Variants in TTLL5 observed in about 807,000 individuals in gnomAD.
The protein encoded by TTLL5 is tubulin tyrosine ligase like 5, also known as tubulin polyglutamylase TTLL5.
In TTLL5, 132 loss-of-function variants were observed where a neutral mutation model predicts 168.4. The ratio of observed to expected loss-of-function variants is 0.78; its 90% CI spans 0.68 to 0.91. TTLL5 has a LOEUF of 0.91. Ranked by LOEUF, TTLL5 falls within the 40% of genes least tolerant of loss-of-function variation. The probability of loss-of-function intolerance (pLI) is 0.00; values close to 1 mark genes in which losing one functional copy is unlikely to be tolerated. For synonymous variants in TTLL5, 546 were observed against 558.6 expected (o/e 0.98, Z 0.32); for missense variants, 1,545 against 1,581.5 (o/e 0.98, Z 0.39).
chr14:75,752,343 T>G (rs1890004284), intron 17 of TTLL5, among the ~76,000 whole-genome samples: 2 of 152,194 alleles, frequency 1.3e-5, no homozygotes, highest in South Asian at 4.1e-4. Context: ...GCAGGATCCG[T>G]GTTGGGCAAC....
chr14:75,815,488 A>G (rs977324044), intron 27 of TTLL5, among the ~76,000 whole-genome samples: 5 of 152,244 alleles, frequency 3.3e-5, no homozygotes, highest in African/African-American at 1.2e-4. Flanking sequence ...CCAATAATCC[A>G]AAAGTAATTT....
chr14:75,689,798 A>G (rs1885318629), intron 5 of TTLL5: 1 of 185,522 alleles, frequency 5.4e-6, no homozygotes, highest in African/African-American at 2.4e-5. Context: ...AAGGACAGAA[A>G]ACAAATGAAT....
chr14:75,760,653 A>G (rs147018572), intron 18 of TTLL5, among the ~76,000 whole-genome samples: 2 of 152,236 alleles, frequency 1.3e-5, no homozygotes, highest in Non-Finnish European at 2.9e-5. Flanking sequence ...CCACATTTAT[A>G]TGGTCAAAGT....
chr14:75,663,015 G>A (rs1890857526), intron 1 of TTLL5, 40 bp from the exon 2 acceptor site: 2 of 753,402 alleles, frequency 2.7e-6, no homozygotes, highest in East Asian at 2.7e-5. Flanking sequence ...ACTGCATTGT[G>A]TTTCAGGTCA....
chr14:75,752,437 G>A (rs1239039064), intron 17 of TTLL5, among the ~76,000 whole-genome samples: 1 of 152,208 alleles, frequency 6.6e-6, no homozygotes. Flanking sequence ...GCCTTAAGCA[G>A]TAGACATCGA....
intron 31 of TTLL5, among the ~76,000 whole-genome samples, chr14:75,908,339 A>T (rs935624656): frequency 1.3e-5 from 2 of 151,970 alleles, no homozygotes; most frequent in African/African-American, 2.4e-5. Context: ...TGAGCAGAAG[A>T]ATTAGGTTGT....
In TTLL5 at chr14:75,825,665, G is replaced by A. The variant is rs542354895; in HGVS notation, c.3326+5504G>A. Among the ~76,000 whole-genome samples, 3 of 152,118 alleles carry A rather than the reference G, an allele frequency of 2.0e-5. No individual in the cohort carries two copies. In the South Asian group the frequency reaches 6.2e-4, roughly 32 times the overall value. ...CACAATCAAAGAGAAACTACTTTTT[G>A]TGGGGGGGACTAAAAAAAATTCATA... is the stretch of plus-strand genomic sequence containing the variant. On this transcript the variant is annotated intron_variant, in intron 28 of 31. Coordinates refer to ENST00000298832, the MANE Select transcript of TTLL5 (RefSeq NM_015072.5).
intron 18 of TTLL5, among the ~76,000 whole-genome samples, chr14:75,755,055 G>A (rs1345472392): frequency 3.3e-5 from 5 of 151,904 alleles, no homozygotes; most frequent in African/African-American, 7.3e-5. Flanking sequence ...ACCTGAGGTC[G>A]GGAGTTCGAG....
At chr14:75,812,000 A>G (rs955162890) in intron 27 of TTLL5, among the ~76,000 whole-genome samples, 24 of 152,274 alleles carry the variant, frequency 1.6e-4, no homozygotes, top group Admixed American at 1.2e-3. Context: ...TATTCCTGCT[A>G]TAATTTAAAC....
chr14:75,766,033 C>G lies in TTLL5; in HGVS notation c.1709-29C>G, dbSNP rs775401065. On this transcript the variant is annotated intron_variant, in intron 19 of 31. Coordinates refer to ENST00000298832, the MANE Select transcript of TTLL5 (RefSeq NM_015072.5). The stretch of plus-strand genomic sequence containing the variant: ...AGAGAGGAACATTTAATCCTTTTTT[C>G]AGCAACATTAGTGATTCTTCGTATT... The G allele has an allele frequency of 1.9e-6, 3 of 1,569,272 alleles. No individual in the cohort carries two copies. The South Asian group carries it at 3.5e-5, about 19-fold the overall frequency.
chr14:75,709,541 C>T (rs1305702054), intron 9 of TTLL5: 2 of 256,444 alleles, frequency 7.8e-6, no homozygotes, highest in African/African-American at 4.4e-5. Flanking sequence ...AGAACTGAAA[C>T]ATCTCGCAGT....
chr14:75,855,288 C>G (rs1897076588), intron 28 of TTLL5, among the ~76,000 whole-genome samples: 1 of 152,056 alleles, frequency 6.6e-6, no homozygotes, highest in African/African-American at 2.4e-5. Flanking sequence ...CCAGTTCTGG[C>G]TAAGTCTTTA....
At position 75,744,090 on chromosome 14, in the gene TTLL5, G is replaced by A. The variant is rs892313442; in HGVS notation, c.1282-1005G>A. 7.2e-5 allele frequency among the ~76,000 whole-genome samples: 11 copies of A among 152,184 alleles called. 1 individual carries two copies. In the East Asian group the frequency reaches 1.9e-3, roughly 27 times the overall value. Reference sequence around the variant, plus strand: ...AAGGCCAAAAGTTAGTTACCACAATGCCTTTGAATAGATATTCTACAAATA... The same window carrying A: ...AAGGCCAAAAGTTAGTTACCACAATACCTTTGAATAGATATTCTACAAATA... On this transcript the variant is annotated intron_variant, in intron 15 of 31. Coordinates refer to ENST00000298832, the MANE Select transcript of TTLL5 (RefSeq NM_015072.5).
At chr14:75,739,016 A>G (rs1594950420) in intron 15 of TTLL5, among the ~76,000 whole-genome samples, 2 of 152,080 alleles carry the variant, frequency 1.3e-5, no homozygotes, top group East Asian at 3.9e-4. Context: ...CCTGTTACCC[A>G]GGTTGGTCTG....
Position 75,717,902 on chromosome 14 carries a change from G to A in TTLL5, c.782G>A (p.Arg261Gln), listed in dbSNP as rs367813054. 13 of 1,613,628 alleles carry A rather than the reference G, an allele frequency of 8.1e-6. No individual in the cohort carries two copies. Among genetic ancestry groups the A allele is most frequent in the African/African-American group, 8.0e-5 (6 of 74,872 alleles). ...VRYDQGAKNI[R>Q]NQFMHLTNYS... ...TATGATCAAGGAGCCAAGAACATTC[G>A]GAACCAGTTCATGCATCTGACAAAC... Residue 261 changes from arginine to glutamine, a missense_variant, in exon 10 of 32, where the codon CGG (arginine) becomes CAG (glutamine). Transcript: ENST00000298832.
intron 2 of TTLL5, among the ~76,000 whole-genome samples, chr14:75,666,301 T>C (rs1883255344): frequency 1.3e-5 from 2 of 152,262 alleles, no homozygotes; most frequent in South Asian, 4.1e-4. Flanking sequence ...ATTAATTCCT[T>C]GCAATCGTGG....
chr14:75,915,190 TCTTCTGAACTCACCATGAATTCTTTAG>T, intron 31 of TTLL5, among the ~76,000 whole-genome samples: 1 of 152,218 alleles, frequency 6.6e-6, no homozygotes. Flanking sequence ...GTCTTTCTTA[TCTTCTGAACTCACCATGAATTCTTTAG>T]GTTCCTCTTA....
chr14:75,788,706 ACT>A (rs1028646678), intron 26 of TTLL5, among the ~76,000 whole-genome samples: 30 of 152,216 alleles, frequency 2.0e-4, no homozygotes, highest in African/African-American at 7.2e-4. Context: ...TTTTAAAAAA[ACT>A]CTTCTGGAGT....
At chr14:75,789,864 A>T (rs1170509655) in intron 26 of TTLL5, among the ~76,000 whole-genome samples, 1 of 152,232 alleles carries the variant, frequency 6.6e-6, no homozygotes, top group Non-Finnish European at 1.5e-5. Context: ...TTTTAAGCCT[A>T]TTCTAAAATG....
Sources: gnomAD v4.1 joint callset for allele counts (sites outside exome capture counted in the v4.1 genomes callset) on GRCh38, gnomAD v4.1.1 for gene constraint, MANE v1.5 for transcripts, NCBI Gene and HGNC (gene_info 2026-07-23, HGNC 2026-07-21) for gene names.